SKP2: variants seen among roughly 807,000 people sequenced by gnomAD.
SKP2 encodes the protein S-phase kinase-associated protein 2.
Under a neutral mutation model 51.8 loss-of-function variants are expected in SKP2, and 16 were observed. The observed-to-expected ratio is 0.31, with a 90% CI of 0.21 to 0.47. The LOEUF (loss-of-function observed/expected upper bound fraction) is 0.47. Ranked by LOEUF, SKP2 falls within the 20% of genes least tolerant of loss-of-function variation. SKP2 has a pLI of 1.00. For missense variants in SKP2, 377 were observed against 505.3 expected (o/e 0.75, Z 2.43); for synonymous variants, 176 against 198.6 (o/e 0.89, Z 0.96).
At chr5:36,170,144 A>C (rs930853551) in intron 5 of SKP2, among the ~76,000 whole-genome samples, 200 bp from the exon 6 acceptor site, 3 of 152,206 alleles carry the variant, frequency 2.0e-5, no homozygotes, top group Non-Finnish European at 4.4e-5. Context: ...CTCTGCCAAG[A>C]AGTTTGATAA....
chr5:36,171,467 C>T, intron 6 of SKP2, 136 bp from the exon 7 acceptor site: 1 of 819,794 alleles, frequency 1.2e-6, no homozygotes, highest in Non-Finnish European at 2.0e-6. Flanking sequence ...AAGGTAGCTA[C>T]TGTTAGAGAA....
At chr5:36,164,776 CAG>C in intron 3 of SKP2, among the ~76,000 whole-genome samples, 1 of 152,328 alleles carries the variant, frequency 6.6e-6, no homozygotes, top group South Asian at 2.1e-4. Context: ...CCTCTTCTTG[CAG>C]AGTCTGTTAA....
chr5:36,173,546 C>T (rs1745539549), intron 7 of SKP2, among the ~76,000 whole-genome samples: 2 of 152,180 alleles, frequency 1.3e-5, no homozygotes, highest in Admixed American at 1.3e-4. Flanking sequence ...GATTTTCTGA[C>T]ATGAATCGAG....
intron 6 of SKP2, among the ~76,000 whole-genome samples, chr5:36,191,392 C>CTTT (rs201765544): frequency 8.2e-6 from 1 of 122,134 alleles, no homozygotes; most frequent in African/African-American, 2.8e-5. Flanking sequence ...TCATCAAGTT[C>CTTT]TTTTTTTTTT....
At chr5:36,166,874 A>T (rs528853432) in intron 4 of SKP2, among the ~76,000 whole-genome samples, 21 of 152,092 alleles carry the variant, frequency 1.4e-4, no homozygotes, top group Non-Finnish European at 2.2e-4. Flanking sequence ...ACTCAAGTTT[A>T]CTGTTAGTCT....
At chr5:36,190,007 G>A (rs1745991635) in intron 6 of SKP2, among the ~76,000 whole-genome samples, 1 of 152,190 alleles carries the variant, frequency 6.6e-6, no homozygotes, top group Non-Finnish European at 1.5e-5. Context: ...ATGGGCATGG[G>A]ACCCTCTGAG....
At chr5:36,189,176 T>A (rs1745982376), downstream of SKP2, among the ~76,000 whole-genome samples, 1 of 152,204 alleles carries the variant, frequency 6.6e-6, no homozygotes, top group African/African-American at 2.4e-5. Context: ...TCAAACTTCC[T>A]CCTTTAGCTC....
intron 9 of SKP2, among the ~76,000 whole-genome samples, chr5:36,179,112 A>G (rs1365349114): frequency 6.6e-6 from 1 of 152,108 alleles, no homozygotes; most frequent in African/African-American, 2.4e-5. Flanking sequence ...AAGAAGAAAG[A>G]TCCTGTCCTT....
At chr5:36,155,167 T>A (rs1744904080) in intron 2 of SKP2, 1 of 152,188 alleles carries the variant, frequency 6.6e-6, no homozygotes, top group Admixed American at 6.5e-5. Context: ...ACAGAGAAGA[T>A]TAGCATGGCC....
In SKP2 at chr5:36,182,277, A is replaced by C; in HGVS notation, c.*246A>C. 6 of 1,257,608 alleles carry C rather than the reference A, an allele frequency of 4.8e-6. No homozygotes were observed. In the South Asian group the frequency reaches 1.5e-4, roughly 32 times the overall value. 77.9% of individuals were successfully genotyped at this position (1,257,608 alleles called of 1,614,324 possible). A position where few individuals can be genotyped will look rare whatever the true frequency, so the allele number is the denominator to read the frequency against. ...GGCCTTTTGAAATTTTAGGAGAGTG[A>C]GCCTATAATTTCAAGATACCTTAAA... On this transcript the variant is annotated 3_prime_UTR_variant, in exon 10 of 10. Transcript: ENST00000274255.
At chr5:36,163,941 G>A (rs189736537) in intron 3 of SKP2, among the ~76,000 whole-genome samples, 185 bp downstream of exon 3, 1 of 152,144 alleles carries the variant, frequency 6.6e-6, no homozygotes, top group Non-Finnish European at 1.5e-5. Context: ...TCCTGGGAGG[G>A]ATAAACTTAC....
chr5:36,190,945 C>T (rs1005168962), intron 6 of SKP2, among the ~76,000 whole-genome samples: 15 of 152,162 alleles, frequency 9.9e-5, no homozygotes, highest in African/African-American at 3.6e-4. Flanking sequence ...GTGTTTTCTT[C>T]AATGGGTTTA....
intron 7 of SKP2, among the ~76,000 whole-genome samples, chr5:36,175,330 G>C (rs1216735449): frequency 1.3e-5 from 2 of 152,004 alleles, no homozygotes; most frequent in African/African-American, 4.8e-5. Context: ...TTGAGTATTT[G>C]ATTTTAGACA....
At chr5:36,186,414 T>G (rs889506609), downstream of SKP2, among the ~76,000 whole-genome samples, 3 of 152,224 alleles carry the variant, frequency 2.0e-5, no homozygotes, top group Non-Finnish European at 2.9e-5. Flanking sequence ...CTTATTATTT[T>G]GAGATATGCC....
Position 36,183,193 on chromosome 5 carries a change from C to A in SKP2, c.*1162C>A. ...TAAGAGTTAAAATCCAGATGTGGGA[C>A]CTTTTGATACCATCAGTGATATATA... On this transcript the variant is annotated 3_prime_UTR_variant, in exon 10 of 10. Transcript: ENST00000274255. The A allele has an allele frequency of 1.0e-6, 1 of 967,692 alleles. No homozygotes were observed. The highest frequency in any genetic ancestry group is 1.2e-6 in the Non-Finnish European group (1 of 813,838). The allele number at this position is 967,692 out of a possible 1,614,324, so 59.9% of individuals were successfully genotyped here.
At chr5:36,158,158 T>G in intron 2 of SKP2, among the ~76,000 whole-genome samples, 1 of 152,318 alleles carries the variant, frequency 6.6e-6, no homozygotes, top group Non-Finnish European at 1.5e-5. Flanking sequence ...TCAGTAATTA[T>G]GTCTTTTAAT....
chr5:36,176,757 A>C (rs544158800), intron 7 of SKP2, among the ~76,000 whole-genome samples: 71 of 151,924 alleles, frequency 4.7e-4, no homozygotes, highest in Admixed American at 1.8e-3. Context: ...GTCATTTTAC[A>C]CAGTTTTCTT....
intron 6 of SKP2, among the ~76,000 whole-genome samples, chr5:36,190,074 C>T (rs990847569): frequency 6.6e-6 from 1 of 152,140 alleles, no homozygotes; most frequent in Non-Finnish European, 1.5e-5. Context: ...TGGAAAAGCA[C>T]AGTATTAGGG....
chr5:36,188,219 G>A (rs192398734), downstream of SKP2, among the ~76,000 whole-genome samples: 7 of 152,320 alleles, frequency 4.6e-5, no homozygotes, highest in Non-Finnish European at 8.8e-5. Context: ...GGAGCATTTA[G>A]TCAATTTACC....
Sources: allele counts gnomAD v4.1 joint callset (sites outside exome capture counted in the v4.1 genomes callset), GRCh38; gene constraint gnomAD v4.1.1; transcripts MANE v1.5; gene names NCBI Gene and HGNC (gene_info 2026-07-23, HGNC 2026-07-21).